Variants in MYRIP observed in about 807,000 individuals in gnomAD.
The protein encoded by MYRIP is rab effector MyRIP.
MYRIP carries 49 observed loss-of-function variants against 98.0 expected under a neutral mutation model. The ratio of observed to expected loss-of-function variants is 0.50; its 90% CI spans 0.40 to 0.63. MYRIP has a LOEUF of 0.63. MYRIP is among the 30% of genes least tolerant of loss of function. The pLI is 0.00. For synonymous variants in MYRIP, 404 were observed against 409.5 expected (o/e 0.99, Z 0.16); for missense variants, 1,004 against 1,058.2 (o/e 0.95, Z 0.71).
At chr3:40,104,052 A>G (rs959677466) in intron 3 of MYRIP, among the ~76,000 whole-genome samples, 6 of 152,350 alleles carry the variant, frequency 3.9e-5, no homozygotes, top group South Asian at 2.1e-4. Flanking sequence ...ATCTTTGCAC[A>G]TAAGTCTAAA....
chr3:39,946,865 A>G (rs1944915619), intron 2 of MYRIP, among the ~76,000 whole-genome samples: 1 of 152,204 alleles, frequency 6.6e-6, no homozygotes, highest in Non-Finnish European at 1.5e-5. Context: ...GATTTGTTAC[A>G]TCACAAGAGA....
At chr3:40,241,553 A>G (rs1369965774) in intron 12 of MYRIP, among the ~76,000 whole-genome samples, 2 of 152,206 alleles carry the variant, frequency 1.3e-5, no homozygotes, top group Non-Finnish European at 2.9e-5. Flanking sequence ...GAAAATTGAG[A>G]TACATATTAG....
At chr3:39,934,602 A>G (rs6799381) in intron 2 of MYRIP, among the ~76,000 whole-genome samples, 75,796 of 152,006 alleles carry the variant, frequency 0.5, 19,700 homozygotes, top group African/African-American at 0.65. Context: ...GCATGCTTTA[A>G]TATGCTGGGC....
chr3:39,919,729 A>T (rs113363129), intron 2 of MYRIP, among the ~76,000 whole-genome samples: 5,111 of 133,036 alleles, frequency 0.038, 211 homozygotes, highest in South Asian at 0.1. Flanking sequence ...TGTGTGTGTG[A>T]GAGAGAGAGA....
At chr3:40,146,773 G>A (rs1212522934) in intron 3 of MYRIP, among the ~76,000 whole-genome samples, 3 of 151,902 alleles carry the variant, frequency 2.0e-5, no homozygotes, top group South Asian at 2.1e-4. Flanking sequence ...TTGCATGCAC[G>A]TATGCACACA....
intron 1 of MYRIP, among the ~76,000 whole-genome samples, chr3:39,862,025 C>T (rs1313166448): frequency 6.6e-6 from 1 of 151,986 alleles, no homozygotes; most frequent in African/African-American, 2.4e-5. Context: ...AGGCCATCCC[C>T]AAGACATGTA....
At chr3:40,247,607 T>C (rs1953246986) in intron 13 of MYRIP, among the ~76,000 whole-genome samples, 1 of 152,202 alleles carries the variant, frequency 6.6e-6, no homozygotes, top group Non-Finnish European at 1.5e-5. Flanking sequence ...CACTGCAACC[T>C]CCGCCTCCTG....
At chr3:40,252,064 C>A in intron 16 of MYRIP, 65 bp downstream of exon 16, 2 of 1,258,484 alleles carry the variant, frequency 1.6e-6, no homozygotes, top group Non-Finnish European at 2.3e-6. Context: ...ACTCTGCAGC[C>A]TTTCCTTCTG....
At chr3:40,191,086 C>T (rs750675420) in intron 10 of MYRIP, among the ~76,000 whole-genome samples, 5 of 152,220 alleles carry the variant, frequency 3.3e-5, no homozygotes, top group Admixed American at 1.3e-4. Context: ...CTTTAGTCTA[C>T]ATCAGACCCC....
At chr3:39,883,446 A>G (rs979722247) in intron 1 of MYRIP, among the ~76,000 whole-genome samples, 9 of 152,196 alleles carry the variant, frequency 5.9e-5, no homozygotes, top group African/African-American at 2.2e-4. Flanking sequence ...AATGGAAAAC[A>G]TAACAGACCT....
chr3:40,206,658 GT>G (rs1951800521), intron 10 of MYRIP, among the ~76,000 whole-genome samples: 1 of 152,030 alleles, frequency 6.6e-6, no homozygotes, highest in Non-Finnish European at 1.5e-5. Context: ...CAATTGTCTG[GT>G]TCAATGTTCC....
intron 2 of MYRIP, among the ~76,000 whole-genome samples, chr3:39,990,437 C>T (rs535974226): frequency 6.6e-6 from 1 of 152,170 alleles, no homozygotes; most frequent in East Asian, 1.9e-4. Context: ...TGACCCCACC[C>T]CTGTTCTGCT....
chr3:40,235,491 C>A (rs1952800715), intron 12 of MYRIP, among the ~76,000 whole-genome samples: 1 of 152,188 alleles, frequency 6.6e-6, no homozygotes, highest in Non-Finnish European at 1.5e-5. Context: ...TAAAAACACT[C>A]TTAGCTCTTT....
At chr3:40,136,842 A>G (rs1006468840) in intron 3 of MYRIP, among the ~76,000 whole-genome samples, 2 of 152,244 alleles carry the variant, frequency 1.3e-5, no homozygotes, top group Non-Finnish European at 2.9e-5. Flanking sequence ...CAACAAGAAC[A>G]AAGACACAAC....
intron 1 of MYRIP, among the ~76,000 whole-genome samples, chr3:39,896,373 G>A (rs1575356196): frequency 1.3e-5 from 2 of 152,164 alleles, no homozygotes; most frequent in East Asian, 3.9e-4. Flanking sequence ...CCAGTTCATG[G>A]TAGGGTAACA....
At chr3:39,909,552 G>T (rs1025991069) in intron 2 of MYRIP, among the ~76,000 whole-genome samples, 19 of 152,120 alleles carry the variant, frequency 1.2e-4, no homozygotes, top group Middle Eastern at 3.2e-3. Context: ...GCAGACTCAT[G>T]GGAATACATC....
intron 2 of MYRIP, among the ~76,000 whole-genome samples, chr3:39,934,257 C>T (rs1944607786): frequency 6.6e-6 from 1 of 151,920 alleles, no homozygotes; most frequent in Non-Finnish European, 1.5e-5. Flanking sequence ...TGTGGTATTT[C>T]AGTACATCAG....
intron 2 of MYRIP, among the ~76,000 whole-genome samples, chr3:39,958,895 A>G (rs1945245841): frequency 6.6e-6 from 1 of 152,200 alleles, no homozygotes; most frequent in African/African-American, 2.4e-5. Context: ...TCAACAGAAG[A>G]TATTTATGCA....
At chr3:39,976,365 G>T (rs1207390913) in intron 2 of MYRIP, among the ~76,000 whole-genome samples, 1 of 152,204 alleles carries the variant, frequency 6.6e-6, no homozygotes, top group Non-Finnish European at 1.5e-5. Flanking sequence ...ACACCAGTTA[G>T]AATGGCGATC....
Sources: gnomAD v4.1 joint callset for allele counts (sites outside exome capture counted in the v4.1 genomes callset) on GRCh38, gnomAD v4.1.1 for gene constraint, MANE v1.5 for transcripts, NCBI Gene and HGNC (gene_info 2026-07-23, HGNC 2026-07-21) for gene names.